Variants in PBX3 observed in about 807,000 individuals in gnomAD.
The protein encoded by PBX3 is pre-B-cell leukemia transcription factor 3.
PBX3 carries 14 observed loss-of-function variants against 48.5 expected under a neutral mutation model. The observed-to-expected ratio is 0.29, with a 90% CI of 0.19 to 0.45. The LOEUF (loss-of-function observed/expected upper bound fraction) is 0.45, where lower values mean the gene tolerates loss of function less well. PBX3 is among the 20% of genes least tolerant of loss of function. The pLI, the probability that PBX3 is intolerant of heterozygous loss-of-function variation, is 1.00. For missense variants in PBX3, 386 were observed against 546.7 expected, an observed-to-expected ratio of 0.71 and a Z score of 2.93; for synonymous variants, 210 against 200.3, an observed-to-expected ratio of 1.05 and a Z score of -0.41.
intron 2 of PBX3, among the ~76,000 whole-genome samples, chr9:125,780,572 C>G (rs1282785712): frequency 7.1e-6 from 1 of 140,008 alleles, no homozygotes; most frequent in Non-Finnish European, 1.6e-5. Flanking sequence ...GGGCTCCTCA[C>G]TTCCCAGTAG....
At chr9:125,793,140 C>T (rs938919171) in intron 2 of PBX3, among the ~76,000 whole-genome samples, 3 of 151,214 alleles carry the variant, frequency 2.0e-5, no homozygotes, top group Non-Finnish European at 4.4e-5. Flanking sequence ...ATCATGAGGT[C>T]AGGAGATCGA....
chr9:125,856,912 A>G (rs1217923106), intron 2 of PBX3, among the ~76,000 whole-genome samples: 1 of 152,148 alleles, frequency 6.6e-6, no homozygotes, highest in Non-Finnish European at 1.5e-5. Context: ...GCCCAATTCT[A>G]TTGTAATATT....
Position 125,780,311 on chromosome 9 carries a change from C to A in PBX3, c.274+31688C>A, listed in dbSNP as rs1481176763. 1.8e-3 allele frequency among the ~76,000 whole-genome samples: 227 copies of A among 124,758 alleles called. No homozygotes were observed. The Middle Eastern group carries it at 0.034, about 19-fold the overall frequency. The allele number at this position is 124,758 out of a possible 152,430, so 81.8% of individuals were successfully genotyped here. A position where few individuals can be genotyped will look rare whatever the true frequency, so the allele number is the denominator to read the frequency against. On this transcript the variant is annotated intron_variant, in intron 2 of 8. Coordinates refer to ENST00000373489, the MANE Select transcript of PBX3 (RefSeq NM_006195.6). ...GGGGCTCCTCACTTCCCAGTAGGGG[C>A]GGCTGGGCAGAGGCGCCCCTCACCT... is the stretch of plus-strand genomic sequence containing the variant.
intron 3 of PBX3, among the ~76,000 whole-genome samples, chr9:125,926,676 C>A (rs773839338): frequency 8.6e-5 from 13 of 151,378 alleles, no homozygotes; most frequent in African/African-American, 3.2e-4. Flanking sequence ...AAAAATTACC[C>A]GGGCATGGTG....
intron 2 of PBX3, among the ~76,000 whole-genome samples, chr9:125,912,357 G>A (rs1288226190): frequency 2.0e-5 from 3 of 152,096 alleles, no homozygotes; most frequent in Non-Finnish European, 4.4e-5. Context: ...AAGGGTATGC[G>A]TTTATTCGGA....
chr9:125,769,911 C>T (rs1278892133), intron 2 of PBX3, among the ~76,000 whole-genome samples: 1 of 152,040 alleles, frequency 6.6e-6, no homozygotes, highest in Non-Finnish European at 1.5e-5. Flanking sequence ...TATTAATTAG[C>T]TCTTAACCAC....
intron 2 of PBX3, among the ~76,000 whole-genome samples, chr9:125,884,969 C>T (rs1840464182): frequency 6.6e-6 from 1 of 152,068 alleles, no homozygotes; most frequent in South Asian, 2.1e-4. Flanking sequence ...TTCATTTGCC[C>T]ATTGAATGAT....
intron 2 of PBX3, among the ~76,000 whole-genome samples, chr9:125,816,694 C>T (rs1416799086): frequency 6.6e-6 from 1 of 152,080 alleles, no homozygotes; most frequent in African/African-American, 2.4e-5. Context: ...ACTCTTTTGA[C>T]TGGGGAAAGG....
chr9:125,777,360 TTC>T (rs1266282428), intron 2 of PBX3, among the ~76,000 whole-genome samples: 34 of 146,838 alleles, frequency 2.3e-4, no homozygotes, highest in African/African-American at 8.7e-4. Flanking sequence ...CTTCTTCTTC[TTC>T]TTTTTTTTTT....
intron 5 of PBX3, among the ~76,000 whole-genome samples, chr9:125,952,613 A>G (rs1229103159): frequency 6.6e-6 from 1 of 152,164 alleles, no homozygotes; most frequent in East Asian, 1.9e-4. Context: ...GTTTGATTTT[A>G]ATTATTTTAA....
chr9:125,765,773 G>T (rs933009826), intron 2 of PBX3, among the ~76,000 whole-genome samples: 2 of 152,062 alleles, frequency 1.3e-5, no homozygotes, highest in Non-Finnish European at 2.9e-5. Flanking sequence ...TAACTCATGC[G>T]GGGTGTGCAG....
chr9:125,772,969 G>A (rs1012517198), intron 2 of PBX3, among the ~76,000 whole-genome samples: 22 of 152,178 alleles, frequency 1.4e-4, no homozygotes, highest in African/African-American at 5.1e-4. Context: ...ATAAATACAA[G>A]CTGGACCATT....
chr9:125,820,838 C>T (rs927251589), intron 2 of PBX3, among the ~76,000 whole-genome samples: 4 of 151,976 alleles, frequency 2.6e-5, no homozygotes. Flanking sequence ...TGTAGTGTGG[C>T]CTTGAAATAT....
At chr9:125,782,516 G>A (rs566009074) in intron 2 of PBX3, among the ~76,000 whole-genome samples, 163 of 152,194 alleles carry the variant, frequency 1.1e-3, no homozygotes, top group African/African-American at 3.6e-3. Flanking sequence ...TTATACGTGT[G>A]TGCTCATTAA....
intron 2 of PBX3, among the ~76,000 whole-genome samples, chr9:125,910,576 T>C (rs1397554694): frequency 2.6e-5 from 4 of 151,920 alleles, no homozygotes; most frequent in Non-Finnish European, 5.9e-5. Context: ...TGCCGTGTTA[T>C]ATTTAATATA....
At chr9:125,833,407 C>T (rs1839023621) in intron 2 of PBX3, among the ~76,000 whole-genome samples, 1 of 151,946 alleles carries the variant, frequency 6.6e-6, no homozygotes, top group Non-Finnish European at 1.5e-5. Context: ...TCACCTGAGC[C>T]TGGGATGTGG....
At chr9:125,885,997 G>T (rs1344531402) in intron 2 of PBX3, among the ~76,000 whole-genome samples, 2 of 152,044 alleles carry the variant, frequency 1.3e-5, no homozygotes, top group Non-Finnish European at 2.9e-5. Flanking sequence ...GAAAGTCTTT[G>T]TTCTTGTTTA....
Position 125,909,330 on chromosome 9 carries a change from A to G in PBX3, c.275-6356A>G, listed in dbSNP as rs184346590. On this transcript the variant is annotated intron_variant, in intron 2 of 8. Coordinates refer to ENST00000373489, the MANE Select transcript of PBX3 (RefSeq NM_006195.6). ...GGTTTGAAGAGCAAAGAGAAAATAT[A>G]ATGAAACTGAAGGATTTTTAAGAAG... Among the ~76,000 whole-genome samples, 6 of 152,260 alleles carry G rather than the reference A, an allele frequency of 3.9e-5. No homozygotes were observed. The East Asian group carries it at 1.2e-3, about 29-fold the overall frequency.
intron 3 of PBX3, among the ~76,000 whole-genome samples, chr9:125,919,544 T>G (rs1841412155): frequency 6.6e-6 from 1 of 151,928 alleles, no homozygotes; most frequent in South Asian, 2.1e-4. Flanking sequence ...GAAATTATAT[T>G]TTTCCTCCTA....
Sources: gnomAD v4.1 joint callset for allele counts (sites outside exome capture counted in the v4.1 genomes callset) on GRCh38, gnomAD v4.1.1 for gene constraint, MANE v1.5 for transcripts, NCBI Gene and HGNC (gene_info 2026-07-23, HGNC 2026-07-21) for gene names.